Variants in ASCC3 observed in about 807,000 individuals in gnomAD.
ASCC3 encodes activating signal cointegrator 1 complex subunit 3.
Under a neutral mutation model 256.3 loss-of-function variants are expected in ASCC3, and 158 were observed. The ratio of observed to expected loss-of-function variants is 0.62; its 90% confidence interval spans 0.54 to 0.70. The LOEUF (loss-of-function observed/expected upper bound fraction) is 0.70. Ranked by LOEUF, ASCC3 falls within the 30% of genes least tolerant of loss-of-function variation. The pLI is 0.00. For synonymous variants in ASCC3, 948 were observed against 883.4 expected, an observed-to-expected ratio of 1.07 and a Z score of -1.30; for missense variants, 2,259 against 2,626.0, an observed-to-expected ratio of 0.86 and a Z score of 3.05.
At chr6:100,520,008 C>T (rs1029440578) in intron 37 of ASCC3, among the ~76,000 whole-genome samples, 1 of 152,138 alleles carries the variant, frequency 6.6e-6, no homozygotes, top group African/African-American at 2.4e-5. Context: ...TGTGGCTCCC[C>T]AACTGAGTTG....
Position 100,625,334 on chromosome 6 carries a change from G to C in ASCC3, c.4643C>G (p.Ala1548Gly). 1 of 1,612,298 alleles carries C rather than the reference G, an allele frequency of 6.2e-7. No individual in the cohort carries two copies. Among genetic ancestry groups the C allele is most frequent in the Non-Finnish European group, 8.5e-7 (1 of 1,178,766 alleles). The change falls in exon 30 of 42, where the codon GCA (alanine) becomes GGA (glycine). Residue 1548 changes from alanine (A) to glycine (G), a missense_variant and splice_region_variant. Around this residue, in one of 2 missense-constraint regions of ASCC3, gnomAD observed 1,839 missense variants for 2,206.7 expected, o/e 0.83. Coordinates refer to ENST00000369162, the MANE Select transcript of ASCC3 (RefSeq NM_006828.4). Reference protein sequence around the residue: ...MASMNKPAFQAIRSHSPAKPV... With the variant: ...MASMNKPAFQGIRSHSPAKPV... ...TTTGGCTGGAGAATGGCTTCTAATTGCTGTTGAAAAGTTGTGGGAAATAAA... is the reference window on the plus strand; with the variant it reads ...TTTGGCTGGAGAATGGCTTCTAATTCCTGTTGAAAAGTTGTGGGAAATAAA...
In ASCC3 at chr6:100,530,394, G is replaced by A. The variant is rs893066982; in HGVS notation, c.5775+9769C>T. ...TCAAAATGACTGGAAGTTAGATGTT[G>A]CAACAGATAATTTTTTCCAAAATCC... On this transcript the variant is annotated intron_variant, in intron 37 of 41. Transcript: ENST00000369162. 9.8e-6 allele frequency: 11 copies of A among 1,119,394 alleles called. No individual in the cohort carries two copies. The African/African-American group carries it at 1.4e-4, about 14-fold the overall frequency. The allele number at this position is 1,119,394 out of a possible 1,614,324, so 69.3% of individuals were successfully genotyped here.
intron 36 of ASCC3, among the ~76,000 whole-genome samples, chr6:100,570,312 T>C (rs1304928093): frequency 1.3e-5 from 2 of 152,208 alleles, no homozygotes; most frequent in Non-Finnish European, 2.9e-5. Context: ...CCACTTCCAG[T>C]ACTGTGTTAA....
At chr6:100,718,027 A>G (rs769072808) in intron 12 of ASCC3, 48 bp downstream of exon 12, 9 of 1,574,246 alleles carry the variant, frequency 5.7e-6, no homozygotes, top group South Asian at 2.3e-5. Flanking sequence ...GTATTCAATA[A>G]TAAGTCAACA....
intron 10 of ASCC3, among the ~76,000 whole-genome samples, chr6:100,749,747 T>C (rs1780851520): frequency 6.6e-6 from 1 of 151,924 alleles, no homozygotes; most frequent in African/African-American, 2.4e-5. Flanking sequence ...AAATCAATGA[T>C]GAATCCAAGC....
At chr6:100,806,323 G>A (rs559658701) in intron 4 of ASCC3, among the ~76,000 whole-genome samples, 24 of 152,004 alleles carry the variant, frequency 1.6e-4, no homozygotes, top group African/African-American at 5.1e-4. Context: ...TCATGACTTC[G>A]TGCCAATTTT....
intron 3 of ASCC3, among the ~76,000 whole-genome samples, chr6:100,860,812 A>G (rs1266812176): frequency 1.3e-5 from 2 of 152,142 alleles, no homozygotes; most frequent in East Asian, 3.8e-4. Context: ...CAGGAAATTC[A>G]GACAGTAAAC....
chr6:100,773,875 A>T (rs901859265), intron 8 of ASCC3, among the ~76,000 whole-genome samples: 4 of 152,180 alleles, frequency 2.6e-5, no homozygotes, highest in Non-Finnish European at 5.9e-5. Context: ...TACTAAATTG[A>T]ATCTAGCCAA....
Position 100,763,902 on chromosome 6 carries a change from C to T in ASCC3, c.1737+2663G>A, listed in dbSNP as rs139499883. Among the ~76,000 whole-genome samples, 32 of 152,330 alleles carry T rather than the reference C, an allele frequency of 2.1e-4. 1 individual carries two copies. The highest frequency in any genetic ancestry group is 7.5e-4 in the African/African-American group (31 of 41,576). On this transcript the variant is annotated intron_variant, in intron 10 of 41. Coordinates refer to ENST00000369162, the MANE Select transcript of ASCC3 (RefSeq NM_006828.4). ...CAGGCAAAATACCTGTGTCTGCATA[C>T]TTCTTACATCCATTGCTTGGCCAGA...
chr6:100,530,222 C>A (rs1361878807), intron 37 of ASCC3: 37 of 764,778 alleles, frequency 4.8e-5, no homozygotes, highest in South Asian at 1.6e-4. Context: ...AAGAATATTG[C>A]TGCTCATTCG....
At chr6:100,530,276 A>G in intron 37 of ASCC3, 1 of 1,345,544 alleles carries the variant, frequency 7.4e-7, no homozygotes, top group African/African-American at 1.4e-5. Context: ...GGACACCAAC[A>G]TGAACAAGTT....
chr6:100,571,109 C>T (rs1770571021), intron 36 of ASCC3, among the ~76,000 whole-genome samples: 1 of 152,160 alleles, frequency 6.6e-6, no homozygotes, highest in African/African-American at 2.4e-5. Flanking sequence ...TACTATGGCC[C>T]TAGATGATGT....
chr6:100,625,677 T>C (rs2114854576), intron 29 of ASCC3, among the ~76,000 whole-genome samples: 1 of 152,242 alleles, frequency 6.6e-6, no homozygotes, highest in Non-Finnish European at 1.5e-5. Flanking sequence ...GAGTTTTCTG[T>C]ACTAAGTTGT....
chr6:100,756,597 T>A (rs989850786), intron 10 of ASCC3, among the ~76,000 whole-genome samples: 1 of 152,110 alleles, frequency 6.6e-6, no homozygotes, highest in African/African-American at 2.4e-5. Context: ...ATATTTAAAA[T>A]AGTAACGTTA....
intron 16 of ASCC3, among the ~76,000 whole-genome samples, chr6:100,657,081 T>C (rs751285021): frequency 6.6e-6 from 1 of 151,326 alleles, no homozygotes; most frequent in Non-Finnish European, 1.5e-5. Flanking sequence ...TTAATTGTCT[T>C]TAGTTAGTTG....
chr6:100,667,768 TAAG>T (rs1776555900), intron 14 of ASCC3, among the ~76,000 whole-genome samples: 1 of 152,036 alleles, frequency 6.6e-6, no homozygotes, highest in Non-Finnish European at 1.5e-5. Flanking sequence ...ACTTAGGTAC[TAAG>T]AAGGTCAGGA....
chr6:100,857,368 T>C (rs1043268477), intron 3 of ASCC3: 1 of 152,094 alleles, frequency 6.6e-6, no homozygotes, highest in East Asian at 1.9e-4. Context: ...TTACTCTTAA[T>C]AAATAGAAGG....
chr6:100,749,426 C>A (rs969847681), intron 10 of ASCC3, among the ~76,000 whole-genome samples: 1 of 151,876 alleles, frequency 6.6e-6, no homozygotes, highest in Non-Finnish European at 1.5e-5. Context: ...CTGTAATCTG[C>A]ATTTTTAAAC....
intron 34 of ASCC3, among the ~76,000 whole-genome samples, chr6:100,590,409 C>T (rs1771942720): frequency 6.6e-6 from 1 of 152,128 alleles, no homozygotes; most frequent in African/African-American, 2.4e-5. Flanking sequence ...ACATACATTT[C>T]ACCTGAATGT....
Sources: allele counts gnomAD v4.1 joint callset (sites outside exome capture counted in the v4.1 genomes callset), GRCh38; gene constraint gnomAD v4.1.1; regional missense constraint gnomAD v4.1.1; transcripts MANE v1.5; gene names NCBI Gene and HGNC (gene_info 2026-07-23, HGNC 2026-07-21).